SESN1: variants seen among roughly 807,000 people sequenced by gnomAD.
SESN1 encodes the protein sestrin-1.
A neutral mutation model predicts 59.3 loss-of-function variants in SESN1; 30 were observed. The ratio of observed to expected loss-of-function variants is 0.51; its 90% confidence interval spans 0.38 to 0.69. The LOEUF (loss-of-function observed/expected upper bound fraction) is 0.69. SESN1 is among the 30% of genes least tolerant of loss of function. SESN1 has a pLI of 0.00. For synonymous variants in SESN1, 197 were observed against 219.9 expected (o/e 0.90, Z 0.92); for missense variants, 566 against 673.0 (o/e 0.84, Z 1.76).
At chr6:109,041,397 G>C (rs1358087192) in intron 1 of SESN1, among the ~76,000 whole-genome samples, 1 of 152,034 alleles carries the variant, frequency 6.6e-6, no homozygotes, top group Non-Finnish European at 1.5e-5. Context: ...CAACAACTCA[G>C]TAAATCTACC....
chr6:109,055,212 A>G (rs922309604), intron 1 of SESN1, among the ~76,000 whole-genome samples: 1 of 152,204 alleles, frequency 6.6e-6, no homozygotes. Context: ...CCTGGTCCTT[A>G]TCTCCGTTCA....
intron 1 of SESN1, among the ~76,000 whole-genome samples, chr6:109,004,839 A>G (rs1364605527): frequency 6.6e-6 from 1 of 152,228 alleles, no homozygotes; most frequent in African/African-American, 2.4e-5. Flanking sequence ...ATGCTGAGAT[A>G]CTGTCTTCCT....
intron 1 of SESN1, among the ~76,000 whole-genome samples, chr6:109,063,763 CA>C (rs1438461040): frequency 3.3e-5 from 5 of 151,920 alleles, no homozygotes. Context: ...AATTCGTCAC[CA>C]GGGGAGTTTT....
chr6:109,007,181 A>T (rs1286871851), intron 1 of SESN1, among the ~76,000 whole-genome samples: 1 of 152,194 alleles, frequency 6.6e-6, no homozygotes, highest in Admixed American at 6.5e-5. Flanking sequence ...TAATTTTCAG[A>T]GTGAAAATTC....
intron 2 of SESN1, 32 bp downstream of exon 2, chr6:109,002,246 C>CAGTT (rs1395453522): frequency 6.3e-7 from 1 of 1,586,976 alleles, no homozygotes; most frequent in East Asian, 2.2e-5. Flanking sequence ...TAAAAGCATA[C>CAGTT]AGTTCACTAT....
rs1779223700 is a variant in SESN1, at chr6:108,987,253, G to A, written c.*291C>T. 1 of 283,390 alleles carries A rather than the reference G, an allele frequency of 3.5e-6. No individual in the cohort carries two copies. Among genetic ancestry groups the A allele is most frequent in the Admixed American group, 5.2e-5 (1 of 19,388 alleles). 17.6% of individuals were successfully genotyped at this position (283,390 alleles called of 1,614,324 possible). ...ATTTAACATAAAAGCAACAGGATTTGGAGAGTTACTATTTGCTGTATTAAA... is the reference window on the plus strand; with the variant it reads ...ATTTAACATAAAAGCAACAGGATTTAGAGAGTTACTATTTGCTGTATTAAA... On this transcript the variant is annotated 3_prime_UTR_variant, in exon 10 of 10. Coordinates refer to ENST00000436639, the MANE Select transcript of SESN1 (RefSeq NM_014454.3).
intron 1 of SESN1, among the ~76,000 whole-genome samples, chr6:109,050,000 A>T (rs967073864): frequency 2.0e-5 from 3 of 152,230 alleles, no homozygotes; most frequent in African/African-American, 7.2e-5. Flanking sequence ...GTAAAATACA[A>T]CAAAGGAAAG....
chr6:109,043,383 A>C lies in SESN1; in HGVS notation c.280-41040T>G, dbSNP rs540360100. Among the ~76,000 whole-genome samples, 48 of 152,270 alleles carry C rather than the reference A, an allele frequency of 3.2e-4. No individual in the cohort carries two copies. The South Asian group carries it at 8.5e-3, about 27-fold the overall frequency. ...AGTAAATAAAAGCCATACAGATAAA[A>C]AACAACAACAACAACAAAAACAACA... On this transcript the variant is annotated intron_variant, in intron 1 of 9. Transcript: ENST00000436639.
intron 1 of SESN1, among the ~76,000 whole-genome samples, chr6:109,021,901 A>T (rs569243420): frequency 2.6e-5 from 4 of 152,344 alleles, no homozygotes; most frequent in African/African-American, 9.6e-5. Context: ...GTATCCATCC[A>T]AATATTACTG....
At chr6:109,032,636 A>G (rs1022879645) in intron 1 of SESN1, among the ~76,000 whole-genome samples, 3 of 150,890 alleles carry the variant, frequency 2.0e-5, no homozygotes, top group African/African-American at 2.4e-5. Flanking sequence ...AGTGGGGGGG[A>G]AGAGAAAAGG....
chr6:109,045,680 A>G (rs1341702595), intron 1 of SESN1, among the ~76,000 whole-genome samples: 3 of 151,984 alleles, frequency 2.0e-5, no homozygotes, highest in Non-Finnish European at 2.9e-5. Flanking sequence ...TACCCTGGCT[A>G]CTCCCTTTCT....
chr6:109,052,812 T>C (rs1780562383), intron 1 of SESN1, among the ~76,000 whole-genome samples: 1 of 152,010 alleles, frequency 6.6e-6, no homozygotes. Flanking sequence ...CTTTAGTTCA[T>C]TCATTTGTCC....
chr6:109,030,201 A>G (rs987912284), intron 1 of SESN1, among the ~76,000 whole-genome samples: 3 of 152,224 alleles, frequency 2.0e-5, no homozygotes, highest in Non-Finnish European at 4.4e-5. Context: ...ACTTTAGTAC[A>G]TAACAAGAAA....
intron 1 of SESN1, among the ~76,000 whole-genome samples, chr6:109,063,507 A>G (rs565184097): frequency 8.1e-4 from 124 of 152,304 alleles, no homozygotes; most frequent in Non-Finnish European, 1.6e-3. Flanking sequence ...TTAGGGAACC[A>G]CAGTTGGGGA....
At chr6:108,988,448 G>C in intron 9 of SESN1, 95 bp downstream of exon 9, 1 of 1,103,390 alleles carries the variant, frequency 9.1e-7, no homozygotes, top group East Asian at 2.6e-5. Flanking sequence ...GGTTGGTAGG[G>C]GTGATGGAAA....
In SESN1 at chr6:108,987,439, T is replaced by G. The variant is rs756727958; in HGVS notation, c.*105A>C. The G allele has an allele frequency of 1.7e-6, 1 of 583,398 alleles. No homozygotes were observed. The highest frequency in any genetic ancestry group is 3.0e-6 in the Non-Finnish European group (1 of 331,978). The allele number at this position is 583,398 out of a possible 1,614,324, so 36.1% of individuals were successfully genotyped here. A position where few individuals can be genotyped will look rare whatever the true frequency, so the allele number is the denominator to read the frequency against. ...ACTAAAGGAATCATGGCACAATGGA[T>G]TTCTGAATTATTTTGTCTACCATTG... is the stretch of plus-strand genomic sequence containing the variant. On this transcript the variant is annotated 3_prime_UTR_variant, in exon 10 of 10. Transcript: ENST00000436639.
intron 1 of SESN1, among the ~76,000 whole-genome samples, chr6:109,018,822 T>G (rs1029495279): frequency 6.6e-6 from 1 of 152,202 alleles, no homozygotes; most frequent in Admixed American, 6.5e-5. Context: ...ATGACTTCTA[T>G]AGTTCATTAC....
chr6:109,002,924 CTTAAA>C (rs764897059), intron 1 of SESN1, among the ~76,000 whole-genome samples: 6 of 152,098 alleles, frequency 3.9e-5, no homozygotes, highest in South Asian at 2.1e-4. Flanking sequence ...GTAAGTTTGC[CTTAAA>C]TTAAGTTTTT....
At chr6:109,049,673 AAAAT>A (rs1009146694) in intron 1 of SESN1, among the ~76,000 whole-genome samples, 8 of 151,106 alleles carry the variant, frequency 5.3e-5, no homozygotes, top group Non-Finnish European at 1.0e-4. Context: ...TAAAAAATAA[AAAAT>A]AAAAAGGAGA....
Sources: allele counts gnomAD v4.1 joint callset (sites outside exome capture counted in the v4.1 genomes callset), GRCh38; gene constraint gnomAD v4.1.1; transcripts MANE v1.5; gene names NCBI Gene and HGNC (gene_info 2026-07-23, HGNC 2026-07-21).